The following CAMTA1 variants were observed in gnomAD, a reference collection of about 807,000 sequenced individuals.
CAMTA1 encodes calmodulin binding transcription activator 1.
Under a neutral mutation model 170.9 loss-of-function variants are expected in CAMTA1, and 27 were observed. That is an observed-to-expected ratio of 0.16 (90% confidence interval 0.12 to 0.22). CAMTA1 has a LOEUF of 0.22. Among genes scored for constraint, CAMTA1 ranks in the 10% least tolerant of loss-of-function variants. The pLI, the probability that CAMTA1 is intolerant of heterozygous loss-of-function variation, is 1.00. For synonymous variants in CAMTA1, 833 were observed against 891.5 expected (o/e 0.93, Z 1.17); for missense variants, 1,619 against 2,217.2 (o/e 0.73, Z 5.42).
intron 5 of CAMTA1, among the ~76,000 whole-genome samples, chr1:7,310,678 T>TTCTCTCTCTC (rs70984069): frequency 4.0e-4 from 14 of 34,640 alleles, no homozygotes; most frequent in Admixed American, 1.1e-3. Flanking sequence ...TTTCCTTTCT[T>TTCTCTCTCTC]TCTCTCTCTC....
rs2096780160 is a variant in CAMTA1 at position 7,737,350 on chromosome 1, G to A, written c.3438G>A (p.Leu1146=). Residue 1146 remains leucine (L), a synonymous_variant, in exon 15 of 23, where the codon CTG becomes CTA. Transcript: ENST00000303635. ...AISIPDSLGR[L]PLGIARSRGH... is the part of the protein sequence containing the mutation. ...CGATTCCCGACTCTCTAGGAAGGCTGCCTTTGGGAATTGCCAGGTCACGGG... is the reference window on the plus strand; with the variant it reads ...CGATTCCCGACTCTCTAGGAAGGCTACCTTTGGGAATTGCCAGGTCACGGG... The A allele has an allele frequency of 3.7e-6, 6 of 1,614,218 alleles. No individual in the cohort carries two copies. The African/African-American group carries it at 4.0e-5, about 11-fold the overall frequency.
intron 5 of CAMTA1, among the ~76,000 whole-genome samples, chr1:7,429,243 T>A (rs1330445105): frequency 6.6e-6 from 1 of 152,234 alleles, no homozygotes; most frequent in Non-Finnish European, 1.5e-5. Flanking sequence ...CATATGGTGG[T>A]TGCGAGGTTG....
chr1:7,113,063 C>G lies in CAMTA1; in HGVS notation c.302+21692C>G, dbSNP rs1644160405. On this transcript the variant is annotated intron_variant, in intron 4 of 22. Coordinates refer to ENST00000303635, the MANE Select transcript of CAMTA1 (RefSeq NM_015215.4). This position sits in a 1 kb window ranked among gnomAD's most constrained non-coding sequence, Gnocchi z 4.5. Reference sequence around the variant, plus strand: ...TCTTCCGGCCTTTGCATGTGGGGCTCTCAGTTTACCCTCAGAAAGTGTGGC... The same window carrying G: ...TCTTCCGGCCTTTGCATGTGGGGCTGTCAGTTTACCCTCAGAAAGTGTGGC... Among the ~76,000 whole-genome samples, 1 of 152,234 alleles carries G rather than the reference C, an allele frequency of 6.6e-6. No homozygotes were observed. Among genetic ancestry groups the G allele is most frequent in the Admixed American group, 6.5e-5 (1 of 15,280 alleles).
intron 3 of CAMTA1, among the ~76,000 whole-genome samples, chr1:6,946,975 G>C (rs1292641727): frequency 6.6e-6 from 1 of 151,782 alleles, no homozygotes; most frequent in Non-Finnish European, 1.5e-5. Flanking sequence ...TTTATTTTGA[G>C]TTAATTTTTG....
intron 4 of CAMTA1, among the ~76,000 whole-genome samples, chr1:7,168,083 T>C (rs1296341839): frequency 6.6e-6 from 1 of 152,238 alleles, no homozygotes; most frequent in African/African-American, 2.4e-5. Flanking sequence ...TAAACACTAA[T>C]AATTTATTCT....
chr1:7,738,555 C>A lies in CAMTA1; in HGVS notation c.4182+73C>A. ...TTGCTGTGATCTTTATGGTCCATTT[C>A]CGAAGGTTGTGTCATTTTCCTCCCC... On this transcript the variant is annotated intron_variant, in intron 16 of 22. Coordinates refer to ENST00000303635, the MANE Select transcript of CAMTA1 (RefSeq NM_015215.4). This position sits in a 1 kb window ranked among gnomAD's most constrained non-coding sequence, Gnocchi z 4.9. 1 of 1,502,646 alleles carries A rather than the reference C, an allele frequency of 6.7e-7. No individual in the cohort carries two copies. Among genetic ancestry groups the A allele is most frequent in the Non-Finnish European group, 9.0e-7 (1 of 1,116,580 alleles). 93.1% of individuals were successfully genotyped at this position (1,502,646 alleles called of 1,614,324 possible). A position where few individuals can be genotyped will look rare whatever the true frequency, so the allele number is the denominator to read the frequency against.
intron 5 of CAMTA1, among the ~76,000 whole-genome samples, chr1:7,393,087 T>A (rs1255351413): frequency 6.6e-6 from 1 of 151,648 alleles, no homozygotes; most frequent in Non-Finnish European, 1.5e-5. Flanking sequence ...TTGCTCCACA[T>A]CCTTGCCAGC....
intron 4 of CAMTA1, among the ~76,000 whole-genome samples, chr1:7,228,547 C>A (rs528359645): frequency 6.6e-6 from 1 of 152,314 alleles, no homozygotes; most frequent in African/African-American, 2.4e-5. Context: ...TTTGGAGACT[C>A]TTCTAGATCT....
At chr1:6,829,997 C>T (rs1013471342) in intron 3 of CAMTA1, among the ~76,000 whole-genome samples, 4 of 151,692 alleles carry the variant, frequency 2.6e-5, no homozygotes, top group East Asian at 1.9e-4. Flanking sequence ...TTTTCTCCTA[C>T]GTGTATTTTG....
At chr1:7,518,638 G>T (rs1318617641) in intron 6 of CAMTA1, among the ~76,000 whole-genome samples, 1 of 152,036 alleles carries the variant, frequency 6.6e-6, no homozygotes, top group East Asian at 1.9e-4. Flanking sequence ...CCCAGCGCTG[G>T]TTCCAGGAGA....
In CAMTA1 at chr1:7,592,309, C is replaced by T. The variant is rs970623423; in HGVS notation, c.511-48091C>T. On this transcript the variant is annotated intron_variant, in intron 6 of 22. Transcript: ENST00000303635. The surrounding 1 kb of genome is among the most constrained non-coding windows in gnomAD (Gnocchi z 4.6). ...GTCCTTCCCCTTTGTGCTAGCTCAC[C>T]GGACTGGCAGCAGACAGCATCTGGT... Among the ~76,000 whole-genome samples, 16 of 152,286 alleles carry T rather than the reference C, an allele frequency of 1.1e-4. No individual in the cohort carries two copies. Among genetic ancestry groups the T allele is most frequent in the African/African-American group, 2.9e-4 (12 of 41,574 alleles).
intron 6 of CAMTA1, among the ~76,000 whole-genome samples, chr1:7,573,983 A>G (rs1304537758): frequency 6.7e-6 from 1 of 148,180 alleles, no homozygotes; most frequent in Non-Finnish European, 1.5e-5. Context: ...CCTGTTGGCC[A>G]TGCTGTTCTC....
chr1:7,247,729 G>A (rs1018506186), intron 4 of CAMTA1, among the ~76,000 whole-genome samples: 5 of 152,172 alleles, frequency 3.3e-5, no homozygotes, highest in African/African-American at 1.2e-4. Context: ...GTCTTTCAGG[G>A]GCGGGGAGGG....
chr1:6,844,323 AAT>A (rs1232844999), intron 3 of CAMTA1, among the ~76,000 whole-genome samples: 2 of 152,094 alleles, frequency 1.3e-5, no homozygotes, highest in African/African-American at 4.8e-5. Context: ...CATACACACA[AAT>A]ATATTTACAA....
rs542876929 is a variant in CAMTA1, at chr1:7,671,184, T to C, written c.2779+147T>C. On this transcript the variant is annotated intron_variant, in intron 10 of 22. Transcript: ENST00000303635. Reference sequence around the variant, plus strand: ...CGGCTGTGAAGAAGCGGATCCCCGATAGTCTATTAGAACGTCACCTCCTTT... The same window carrying C: ...CGGCTGTGAAGAAGCGGATCCCCGACAGTCTATTAGAACGTCACCTCCTTT... 82 of 863,384 alleles carry C rather than the reference T, an allele frequency of 9.5e-5. 2 individuals carry two copies. In the South Asian group the frequency reaches 1.2e-3, roughly 13 times the overall value. 53.5% of individuals were successfully genotyped at this position (863,384 alleles called of 1,614,324 possible).
intron 6 of CAMTA1, among the ~76,000 whole-genome samples, chr1:7,505,364 G>T (rs1304468682): frequency 1.3e-5 from 2 of 152,204 alleles, no homozygotes; most frequent in East Asian, 3.9e-4. Context: ...TACCTGAGGG[G>T]TGTGCTGGGA....
intron 5 of CAMTA1, among the ~76,000 whole-genome samples, chr1:7,290,348 G>A (rs1411414913): frequency 2.0e-5 from 3 of 152,184 alleles, no homozygotes; most frequent in Non-Finnish European, 4.4e-5. Flanking sequence ...CTTACGGGTT[G>A]CCCCTCACCT....
At chr1:7,574,580 C>T (rs1472114197) in intron 6 of CAMTA1, among the ~76,000 whole-genome samples, 1 of 152,210 alleles carries the variant, frequency 6.6e-6, no homozygotes, top group Non-Finnish European at 1.5e-5. Context: ...CTATTTTTAA[C>T]TCCAGGATCA....
chr1:7,334,620 G>T (rs1035821418), intron 5 of CAMTA1, among the ~76,000 whole-genome samples: 1 of 152,178 alleles, frequency 6.6e-6, no homozygotes, highest in African/African-American at 2.4e-5. Flanking sequence ...TGTCTCTCTT[G>T]TTCCTCCCCT....
Sources: allele counts gnomAD v4.1 joint callset (sites outside exome capture counted in the v4.1 genomes callset), GRCh38; gene constraint gnomAD v4.1.1; non-coding constraint Gnocchi (gnomAD v3.1); transcripts MANE v1.5; gene names NCBI Gene and HGNC (gene_info 2026-07-23, HGNC 2026-07-21).